Variants in SUZ12 observed in about 807,000 individuals in gnomAD.
The protein encoded by SUZ12 is SUZ12 polycomb repressive complex 2 subunit, also known as polycomb protein SUZ12.
Under a neutral mutation model 87.3 loss-of-function variants are expected in SUZ12, and 17 were observed. The ratio of observed to expected loss-of-function variants is 0.19; its 90% CI spans 0.13 to 0.29. The LOEUF (loss-of-function observed/expected upper bound fraction) is 0.29. SUZ12 is among the 10% of genes least tolerant of loss of function. SUZ12 has a pLI of 1.00. For missense variants in SUZ12, 526 were observed against 912.2 expected, an observed-to-expected ratio of 0.58 and a Z score of 5.45; for synonymous variants, 253 against 312.4, an observed-to-expected ratio of 0.81 and a Z score of 2.01.
intron 5 of SUZ12, among the ~76,000 whole-genome samples, chr17:31,971,464 G>C (rs1056927816): frequency 2.8e-5 from 3 of 108,330 alleles, no homozygotes; most frequent in African/African-American, 3.5e-5. Flanking sequence ...TTTCGCTCTT[G>C]TTGCCCAGGC....
intron 5 of SUZ12, among the ~76,000 whole-genome samples, chr17:31,971,557 A>G (rs1328365713): frequency 6.6e-6 from 1 of 151,420 alleles, no homozygotes; most frequent in African/African-American, 2.4e-5. Context: ...CAGCCTCCCA[A>G]GTAGCTGAGA....
At chr17:31,941,037 A>C (rs1454000023) in intron 3 of SUZ12, among the ~76,000 whole-genome samples, 1 of 151,784 alleles carries the variant, frequency 6.6e-6, no homozygotes, top group Non-Finnish European at 1.5e-5. Context: ...AACTGATTTT[A>C]GTAGTGAAGT....
At chr17:31,980,772 G>C (rs371892501) in intron 8 of SUZ12, among the ~76,000 whole-genome samples, 7 of 152,012 alleles carry the variant, frequency 4.6e-5, no homozygotes, top group South Asian at 4.2e-4. Flanking sequence ...TCTTACCTCT[G>C]CTCTGAAGTT....
intron 5 of SUZ12, 76 bp downstream of exon 5, chr17:31,966,272 T>G: frequency 8.3e-7 from 1 of 1,205,158 alleles, no homozygotes; most frequent in Non-Finnish European, 1.2e-6. Flanking sequence ...GTGGGGCTTC[T>G]GAGTGTAAAT....
intron 4 of SUZ12, among the ~76,000 whole-genome samples, chr17:31,949,906 C>T (rs938413999): frequency 2.6e-5 from 4 of 151,970 alleles, no homozygotes; most frequent in Non-Finnish European, 5.9e-5. Flanking sequence ...TGGTCTTGAA[C>T]TCCTGAGCTC....
rs1204261279 is a variant in SUZ12, at chr17:31,999,931, T to TA, written c.*929dup. On this transcript the variant is annotated 3_prime_UTR_variant, in exon 16 of 16. Coordinates refer to ENST00000322652, the MANE Select transcript of SUZ12 (RefSeq NM_015355.4). ...CTTAAAAAGTCAACCAGAAAACTGT[T>TA]ATGCCTTTTATTTGTTTGCAAGGAT... is the stretch of plus-strand genomic sequence containing the variant. 2 of 232,734 alleles carry TA rather than the reference T, an allele frequency of 8.6e-6. No homozygotes were observed. The highest frequency in any genetic ancestry group is 4.4e-5 in the African/African-American group (2 of 45,354). The allele number at this position is 232,734 out of a possible 1,614,324, so 14.4% of individuals were successfully genotyped here. A position where few individuals can be genotyped will look rare whatever the true frequency, so the allele number is the denominator to read the frequency against.
At chr17:31,938,163 ATTTCTG>A (rs1416765700) in intron 1 of SUZ12, among the ~76,000 whole-genome samples, 4 of 152,170 alleles carry the variant, frequency 2.6e-5, no homozygotes, top group Admixed American at 6.5e-5. Context: ...TCTTGCGTCA[ATTTCTG>A]TTTCTAAGTT....
chr17:31,958,588 C>T (rs1026812104), intron 4 of SUZ12, among the ~76,000 whole-genome samples: 1 of 152,102 alleles, frequency 6.6e-6, no homozygotes, highest in Non-Finnish European at 1.5e-5. Flanking sequence ...TGGCTCACGC[C>T]TGTAATCCCA....
chr17:31,998,876 A>G lies in SUZ12; in HGVS notation c.2093A>G (p.Asn698Ser), dbSNP rs145524414. Residue 698 changes from asparagine to serine, a missense_variant, in exon 16 of 16, where the codon AAC becomes AGC. Coordinates refer to ENST00000322652, the MANE Select transcript of SUZ12 (RefSeq NM_015355.4). The part of the protein sequence containing the change: ...LEKGESASPA[N>S]EEITEEQNGT... ...AAGGGGGAATCTGCTTCCCCTGCAA[A>G]CGAAGAAATAACTGAAGAACAAAAT... 1.8e-4 allele frequency: 287 copies of G among 1,613,530 alleles called. No homozygotes were observed. The highest frequency in any genetic ancestry group is 2.3e-4 in the Non-Finnish European group (277 of 1,179,888).
intron 5 of SUZ12, among the ~76,000 whole-genome samples, chr17:31,972,320 T>C (rs1908483467): frequency 6.6e-6 from 1 of 151,062 alleles, no homozygotes; most frequent in African/African-American, 2.4e-5. Flanking sequence ...TGTGTATATA[T>C]ATGTATGTAT....
At chr17:31,961,807 A>G (rs477970) in intron 4 of SUZ12, among the ~76,000 whole-genome samples, 16,171 of 152,176 alleles carry the variant, frequency 0.11, 1,009 homozygotes, top group Middle Eastern at 0.15. Context: ...TCTTTCTGGC[A>G]TTTCAGAGTT....
rs1392631513 is a variant in SUZ12, at chr17:31,947,621, A to G, written c.391A>G (p.Thr131Ala). 1 of 1,599,350 alleles carries G rather than the reference A, an allele frequency of 6.3e-7. No individual in the cohort carries two copies. The highest frequency in any genetic ancestry group is 1.3e-5 in the African/African-American group (1 of 74,398). Reference protein sequence around the residue: ...RNSRTNIKRKTFKVDDMLSKV... With the variant: ...RNSRTNIKRKAFKVDDMLSKV... ...TTGTTTATCTGTTTCTTCCAGGAAA[A>G]CATTTAAAGTTGATGATATGTTATC... Residue 131 changes from threonine to alanine, a missense_variant, in exon 4 of 16, where the codon ACA (threonine) becomes GCA (alanine). This residue lies in a region of SUZ12 where 49 missense variants were observed against 73.2 expected (regional missense o/e 0.67). Transcript: ENST00000322652.
At chr17:31,990,196 A>G in intron 10 of SUZ12, among the ~76,000 whole-genome samples, 1 of 144,730 alleles carries the variant, frequency 6.9e-6, no homozygotes. Context: ...GATAGTCTCA[A>G]TCTCCTGACC....
At chr17:31,988,988 C>T (rs112359276) in intron 10 of SUZ12, among the ~76,000 whole-genome samples, 7,078 of 151,580 alleles carry the variant, frequency 0.047, 525 homozygotes, top group African/African-American at 0.16. Context: ...ATGAGAATGG[C>T]GTGAACCCAG....
At chr17:31,972,714 A>G (rs1303272519) in intron 5 of SUZ12, among the ~76,000 whole-genome samples, 2 of 147,936 alleles carry the variant, frequency 1.4e-5, no homozygotes, top group Non-Finnish European at 3.0e-5. Context: ...ATGCCTGGCC[A>G]GTGAATATTT....
chr17:31,940,168 A>ATATT (rs10627852), intron 1 of SUZ12, 118 bp from the exon 2 acceptor site: 86,964 of 1,340,768 alleles, frequency 0.065, 6,382 homozygotes, highest in African/African-American at 0.17. Context: ...TGCGATATAA[A>ATATT]TAGTGCGTGA....
intron 15 of SUZ12, among the ~76,000 whole-genome samples, chr17:31,998,078 A>ATT (rs532761317): frequency 0.098 from 13,438 of 136,478 alleles, 929 homozygotes; most frequent in Middle Eastern, 0.15. Context: ...TCTCTACTAA[A>ATT]TTTTTTTTTT....
chr17:31,988,461 A>T lies in SUZ12; in HGVS notation c.1165A>T (p.Asn389Tyr). 2.5e-6 allele frequency: 4 copies of T among 1,609,194 alleles called. No homozygotes were observed. The highest frequency in any genetic ancestry group is 2.5e-6 in the Non-Finnish European group (3 of 1,178,754). The change falls in exon 10 of 16, where the codon AAC becomes TAC. Residue 389 changes from asparagine (N) to tyrosine (Y), a missense_variant. Around this residue, in one of 9 missense-constraint regions of SUZ12, gnomAD observed 85 missense variants for 87.4 expected, o/e 0.97. Transcript: ENST00000322652. ...AAATTCAGAGAGTCTCCATCAGGAAAACAAGCCTGGTTCAGTTAAACCTAC... is the reference window on the plus strand; with the variant it reads ...AAATTCAGAGAGTCTCCATCAGGAATACAAGCCTGGTTCAGTTAAACCTAC... ...TRNSESLHQE[N>Y]KPGSVKPTQT...
intron 1 of SUZ12, among the ~76,000 whole-genome samples, chr17:31,939,523 ATTT>A: frequency 7.1e-6 from 1 of 140,476 alleles, no homozygotes; most frequent in African/African-American, 2.6e-5. Context: ...GCTGACTACA[ATTT>A]TTTTTTTTTT....
Sources: allele counts gnomAD v4.1 joint callset (sites outside exome capture counted in the v4.1 genomes callset), GRCh38; gene constraint gnomAD v4.1.1; regional missense constraint gnomAD v4.1.1; transcripts MANE v1.5; gene names NCBI Gene and HGNC (gene_info 2026-07-23, HGNC 2026-07-21).